Variants in DNAH12 observed in about 807,000 individuals in gnomAD.
The protein encoded by DNAH12 is axonemal beta dynein heavy chain 12.
In DNAH12, 285 loss-of-function variants were observed where a neutral mutation model predicts 371.5. The ratio of observed to expected loss-of-function variants is 0.77; its 90% CI spans 0.70 to 0.85. The LOEUF (loss-of-function observed/expected upper bound fraction) is 0.85. DNAH12 is among the 40% of genes least tolerant of loss of function. DNAH12 has a pLI of 0.00. For missense variants in DNAH12, 3,611 were observed against 3,689.4 expected (o/e 0.98, Z 0.55); for synonymous variants, 1,200 against 1,213.0 (o/e 0.99, Z 0.22).
At chr3:57,327,424 T>C (rs1309253111) in intron 62 of DNAH12, among the ~76,000 whole-genome samples, 1 of 151,998 alleles carries the variant, frequency 6.6e-6, no homozygotes, top group Non-Finnish European at 1.5e-5. Flanking sequence ...ACCGCTCAAC[T>C]ACATGGAAAC....
Position 57,471,494 on chromosome 3 carries a change from G to A in DNAH12, c.1889C>T (p.Ala630Val). 7 of 1,547,210 alleles carry A rather than the reference G, an allele frequency of 4.5e-6. No individual in the cohort carries two copies. Among genetic ancestry groups the A allele is most frequent in the Non-Finnish European group, 5.2e-6 (6 of 1,146,152 alleles). The part of the protein sequence containing the change: ...SRRMEEFTEF[A>V]ELERMQQYVT... ...GACCTGTTGCATGCGCTCCAGCTCT[G>A]CAAATTCTGTAAACTCCTCCATGCG... is the stretch of plus-strand genomic sequence containing the variant. Residue 630 changes from alanine (A) to valine (V), a missense_variant, in exon 15 of 74, where the codon GCA (alanine) becomes GTA (valine). Around this residue, in one of 3 missense-constraint regions of DNAH12, gnomAD observed 1,314 missense variants for 1,398.7 expected, o/e 0.94. Transcript: ENST00000495027.
intron 25 of DNAH12, among the ~76,000 whole-genome samples, chr3:57,446,918 G>A (rs1046425141): frequency 8.5e-5 from 13 of 152,130 alleles, no homozygotes; most frequent in Admixed American, 2.0e-4. Context: ...ACTTTCATAG[G>A]TATCCCATTT....
intron 59 of DNAH12, 112 bp from the exon 60 acceptor site, chr3:57,352,337 A>G (rs1343578485): frequency 8.7e-7 from 1 of 1,147,720 alleles, no homozygotes; most frequent in Non-Finnish European, 1.2e-6. Context: ...TTAAAAACGT[A>G]TAAAGATACA....
At position 57,468,774 on chromosome 3, in the gene DNAH12, T is replaced by C. The variant is rs918654073; in HGVS notation, c.2311A>G (p.Met771Val). 32 of 1,523,300 alleles carry C rather than the reference T, an allele frequency of 2.1e-5. No homozygotes were observed. In the African/African-American group the frequency reaches 3.2e-4, roughly 15 times the overall value. The allele number at this position is 1,523,300 out of a possible 1,614,324, so 94.4% of individuals were successfully genotyped here. ...EEPKDNATIT[M>V]CSTVMEQIKA... ...ATCTGTTCCATGACTGTACTGCACA[T>C]AGTAATAGTAGCATTGTCTTTTGGT... Residue 771 changes from methionine to valine, a missense_variant, in exon 17 of 74, where the codon ATG becomes GTG. Physicochemically the swap from Met to Val is conservative, Grantham distance 21. Around this residue, in one of 3 missense-constraint regions of DNAH12, gnomAD observed 1,314 missense variants for 1,398.7 expected, o/e 0.94. Coordinates refer to ENST00000495027, the MANE Select transcript of DNAH12 (RefSeq NM_001366028.2).
At chr3:57,338,941 G>T (rs962721446) in intron 60 of DNAH12, among the ~76,000 whole-genome samples, 1 of 152,216 alleles carries the variant, frequency 6.6e-6, no homozygotes, top group African/African-American at 2.4e-5. Context: ...AAGAAAAGGG[G>T]GAAATGTAGG....
At chr3:57,298,334 A>G (rs1327895344) in intron 70 of DNAH12, among the ~76,000 whole-genome samples, 1 of 151,990 alleles carries the variant, frequency 6.6e-6, no homozygotes, top group Non-Finnish European at 1.5e-5. Context: ...CTCACTCTCA[A>G]CTCCTCAAAG....
chr3:57,550,652 A>G, the DNAH12 span, among the ~76,000 whole-genome samples: 4 of 151,596 alleles, frequency 2.6e-5, no homozygotes, highest in East Asian at 1.9e-4. Context: ...AGCTGGGACT[A>G]CAGGCACGTA....
At chr3:57,407,360 G>C (rs1382870866) in intron 40 of DNAH12, among the ~76,000 whole-genome samples, 1 of 151,150 alleles carries the variant, frequency 6.6e-6, no homozygotes, top group Non-Finnish European at 1.5e-5. Flanking sequence ...CAACACCTCT[G>C]TATTTTCCAG....
In DNAH12 at chr3:57,330,845, GC is replaced by G. The variant is rs755769264; in HGVS notation, c.9978+3619del. Among the ~76,000 whole-genome samples the G allele has an allele frequency of 7.2e-5, 11 of 152,090 alleles. No homozygotes were observed. The East Asian group carries it at 2.1e-3, about 29-fold the overall frequency. On this transcript the variant is annotated intron_variant, in intron 62 of 73. Transcript: ENST00000495027. ...AGTTTCCAGCCTGCCAGCTTACCAT[GC>G]AGATTCACCAGCTTCCACAATCACA...
intron 4 of DNAH12, chr3:57,520,055 C>G: frequency 1.7e-6 from 1 of 578,668 alleles, no homozygotes; most frequent in Non-Finnish European, 3.1e-6. Context: ...TGGGGAAAGC[C>G]GGAGGCTGTG....
intron 60 of DNAH12, among the ~76,000 whole-genome samples, chr3:57,341,425 A>C (rs1174577994): frequency 3.9e-5 from 6 of 152,174 alleles, no homozygotes; most frequent in African/African-American, 1.4e-4. Flanking sequence ...TCAACATACA[A>C]AAATTGGTGG....
rs1487449903 is a variant in DNAH12 at position 57,358,241 on chromosome 3, G to A, written c.9361-893C>T. On this transcript the variant is annotated intron_variant, in intron 58 of 73. Coordinates refer to ENST00000495027, the MANE Select transcript of DNAH12 (RefSeq NM_001366028.2). ...TAAAAGCCTCGGAAACTGAAGTTAG[G>A]TGGCATTGGCATTAGGAGTAAAAGG... 6.6e-5 allele frequency among the ~76,000 whole-genome samples: 10 copies of A among 152,286 alleles called. No homozygotes were observed. In the East Asian group the frequency reaches 1.7e-3, roughly 26 times the overall value.
At chr3:57,401,563 C>CAAAAAAAAAAA (rs71294714) in intron 43 of DNAH12, among the ~76,000 whole-genome samples, 1 of 67,992 alleles carries the variant, frequency 1.5e-5, no homozygotes, top group Non-Finnish European at 2.6e-5. Context: ...GACTCCATCT[C>CAAAAAAAAAAA]AAAAAAAAAA....
At chr3:57,314,353 A>T in intron 66 of DNAH12, 141 bp downstream of exon 66, 1 of 1,035,824 alleles carries the variant, frequency 9.7e-7, no homozygotes, top group Non-Finnish European at 1.4e-6. Context: ...AGATGGAGAT[A>T]GTGCTTCATA....
intron 68 of DNAH12, 144 bp downstream of exon 68, chr3:57,309,522 C>T (rs189224063): frequency 2.4e-6 from 2 of 831,228 alleles, no homozygotes; most frequent in Admixed American, 7.0e-5. Context: ...AGTATTATCA[C>T]CATTTAACGG....
intron 43 of DNAH12, among the ~76,000 whole-genome samples, chr3:57,399,931 T>C (rs1439670385): frequency 1.3e-5 from 2 of 152,236 alleles, no homozygotes; most frequent in Non-Finnish European, 2.9e-5. Context: ...ATCAAATGTT[T>C]ATGTTACCAG....
intron 20 of DNAH12, among the ~76,000 whole-genome samples, chr3:57,458,698 C>T (rs531362080): frequency 6.6e-6 from 1 of 152,272 alleles, no homozygotes; most frequent in African/African-American, 2.4e-5. Flanking sequence ...TATTTTGTGA[C>T]ATATGAAAAT....
chr3:57,543,601 G>C, intron 1 of DNAH12, among the ~76,000 whole-genome samples: 1 of 151,008 alleles, frequency 6.6e-6, no homozygotes, highest in South Asian at 2.1e-4. Context: ...GATTACAGGC[G>C]TGAGCCACCG....
At chr3:57,492,159 A>T (rs2067149604) in intron 11 of DNAH12, among the ~76,000 whole-genome samples, 1 of 152,014 alleles carries the variant, frequency 6.6e-6, no homozygotes, top group Non-Finnish European at 1.5e-5. Context: ...CCCTGTCTCT[A>T]AAAAAATAAA....
Sources: allele counts gnomAD v4.1 joint callset (sites outside exome capture counted in the v4.1 genomes callset), GRCh38; gene constraint gnomAD v4.1.1; regional missense constraint gnomAD v4.1.1; transcripts MANE v1.5; gene names NCBI Gene and HGNC (gene_info 2026-07-23, HGNC 2026-07-21).